Variants in PRMT2 observed in about 807,000 individuals in gnomAD.
PRMT2 encodes protein arginine N-methyltransferase 2.
Under a neutral mutation model 57.6 loss-of-function variants are expected in PRMT2, and 26 were observed. The ratio of observed to expected loss-of-function variants is 0.45; its 90% confidence interval spans 0.33 to 0.63. PRMT2 has a LOEUF of 0.63. PRMT2 is among the 20% of genes least tolerant of loss of function. The pLI is 0.02. For synonymous variants in PRMT2, 219 were observed against 220.0 expected (o/e 1.00, Z 0.04); for missense variants, 472 against 564.4 (o/e 0.84, Z 1.66).
Position 46,653,373 on chromosome 21 carries a change from G to A in PRMT2, c.654+3634G>A, listed in dbSNP as rs901710777. ...ACTTCAGACTTCGGATGTATTTAAGGCTGTTTGCACATATTTATAGAATGT... is the reference window on the plus strand; with the variant it reads ...ACTTCAGACTTCGGATGTATTTAAGACTGTTTGCACATATTTATAGAATGT... On this transcript the variant is annotated intron_variant, in intron 7 of 11. Transcript: ENST00000355680. The A allele has an allele frequency of 1.0e-5, 10 of 985,292 alleles. No individual in the cohort carries two copies. The African/African-American group carries it at 1.6e-4, about 15-fold the overall frequency. 61.0% of individuals were successfully genotyped at this position (985,292 alleles called of 1,614,324 possible).
Position 46,648,273 on chromosome 21 carries a change from G to T in PRMT2, c.328-185G>T. The T allele has an allele frequency of 1.7e-6, 1 of 572,844 alleles. No individual in the cohort carries two copies. Among genetic ancestry groups the T allele is most frequent in the East Asian group, 2.8e-5 (1 of 35,646 alleles). 35.5% of individuals were successfully genotyped at this position (572,844 alleles called of 1,614,324 possible). A position where few individuals can be genotyped will look rare whatever the true frequency, so the allele number is the denominator to read the frequency against. ...TATTATTACTGTTATAAGGGGGTGG[G>T]TGAAGTGTTCTCTAAATACCAATGA... is the stretch of plus-strand genomic sequence containing the variant. On this transcript the variant is annotated intron_variant, in intron 5 of 11. Transcript: ENST00000355680. The surrounding 1 kb of genome is among the most constrained non-coding windows in gnomAD (Gnocchi z 4.8).
chr21:46,645,189 C>A (rs2061341333), intron 5 of PRMT2, among the ~76,000 whole-genome samples: 1 of 84 alleles, frequency 0.012, no homozygotes, highest in Non-Finnish European at 0.033. Flanking sequence ...ATTGCTCAAG[C>A]CTTGGAGGCC....
chr21:46,663,633 C>A, intron 11 of PRMT2, 79 bp downstream of exon 11: 1 of 1,452,294 alleles, frequency 6.9e-7, no homozygotes, highest in Non-Finnish European at 9.5e-7. Flanking sequence ...GTAGTGATGG[C>A]AGATGCTGGC....
intron 7 of PRMT2, among the ~76,000 whole-genome samples, chr21:46,656,587 G>T (rs1159696598): frequency 6.6e-6 from 1 of 152,080 alleles, no homozygotes; most frequent in African/African-American, 2.4e-5. Context: ...ATGGAGAAAA[G>T]ACAGTCTTTT....
intron 11 of PRMT2, 87 bp from the exon 12 acceptor site, chr21:46,664,208 T>C (rs1034402402): frequency 1.7e-6 from 2 of 1,195,282 alleles, no homozygotes; most frequent in Admixed American, 3.4e-5. Context: ...TACTGTTCTC[T>C]TGTCCAATAT....
chr21:46,658,705 C>A, intron 7 of PRMT2, 40 bp from the exon 8 acceptor site: 1 of 1,604,986 alleles, frequency 6.2e-7, no homozygotes, highest in Non-Finnish European at 8.5e-7. Flanking sequence ...AGCCGCGGGG[C>A]CTGTGATGTG....
rs372344297 is a variant in PRMT2 at position 46,637,102 on chromosome 21, G to A, written c.39+112G>A. 32 of 1,061,748 alleles carry A rather than the reference G, an allele frequency of 3.0e-5. No individual in the cohort carries two copies. In the Middle Eastern group the frequency reaches 6.0e-4, roughly 20 times the overall value. The allele number at this position is 1,061,748 out of a possible 1,614,324, so 65.8% of individuals were successfully genotyped here. On this transcript the variant is annotated intron_variant, in intron 3 of 11. Transcript: ENST00000355680. ...AGCTTGGCTTGTGCCTTGGAAGGTG[G>A]CCACCGGCAGTAGAATGCTTAAATG...
chr21:46,651,578 C>G (rs1011346478), intron 7 of PRMT2, among the ~76,000 whole-genome samples: 2 of 151,926 alleles, frequency 1.3e-5, no homozygotes, highest in Non-Finnish European at 2.9e-5. Flanking sequence ...CGGAGCTTTG[C>G]AGGTGAGGGC....
intron 9 of PRMT2, 101 bp from the exon 10 acceptor site, chr21:46,661,699 G>C: frequency 8.6e-7 from 1 of 1,166,086 alleles, no homozygotes; most frequent in Non-Finnish European, 1.1e-6. Context: ...GGTTCCTGAC[G>C]CATTCAGCGT....
chr21:46,664,956 G>T lies in PRMT2; in HGVS notation c.*629G>T, dbSNP rs2061682080. The T allele has an allele frequency of 6.5e-6, 1 of 152,922 alleles. No individual in the cohort carries two copies. The highest frequency in any genetic ancestry group is 1.5e-5 in the Non-Finnish European group (1 of 68,566). The allele number at this position is 152,922 out of a possible 1,614,324, so 9.5% of individuals were successfully genotyped here. ...TTTTTAAATGAGTGAATGTCATTGT[G>T]TATCCTGTTTTATGCATATATGTTA... is the stretch of plus-strand genomic sequence containing the variant. On this transcript the variant is annotated 3_prime_UTR_variant, in exon 12 of 12. Transcript: ENST00000355680.
rs966717715 is a variant in PRMT2, at chr21:46,664,775, A to G, written c.*448A>G. The G allele has an allele frequency of 4.7e-5, 10 of 212,614 alleles. No homozygotes were observed. The highest frequency in any genetic ancestry group is 1.0e-4 in the Admixed American group (2 of 19,512). 13.2% of individuals were successfully genotyped at this position (212,614 alleles called of 1,614,324 possible). A position where few individuals can be genotyped will look rare whatever the true frequency, so the allele number is the denominator to read the frequency against. ...ACTCGTGTGGGACGTAGGATTGCAC[A>G]GGGCTGTGCCAGTGGCGTGTAGGGA... On this transcript the variant is annotated 3_prime_UTR_variant, in exon 12 of 12. Transcript: ENST00000355680.
intron 3 of PRMT2, among the ~76,000 whole-genome samples, chr21:46,640,438 A>ATTT (rs61531632): frequency 1.0e-4 from 12 of 116,460 alleles, no homozygotes; most frequent in East Asian, 2.3e-4. Context: ...TTTTGCCTAC[A>ATTT]TTTTTTTTTT....
Position 46,636,992 on chromosome 21 carries a change from T to G in PRMT2, c.39+2T>G. 1 of 1,613,750 alleles carries G rather than the reference T, an allele frequency of 6.2e-7. No homozygotes were observed. Among genetic ancestry groups the G allele is most frequent in the South Asian group, 1.1e-5 (1 of 91,024 alleles). On this transcript the variant is annotated splice_donor_variant, in intron 3 of 11. Transcript: ENST00000355680. LOFTEE classifies it high-confidence loss of function. ...GACTGTCCCAGAAGTGAATCGCAGGTAATTTCCGTTCCACTTCCTAAAAAT... is the reference window on the plus strand; with the variant it reads ...GACTGTCCCAGAAGTGAATCGCAGGGAATTTCCGTTCCACTTCCTAAAAAT...
intron 7 of PRMT2, chr21:46,653,359 C>T (rs148407791): frequency 5.5e-4 from 543 of 985,384 alleles, no homozygotes; most frequent in African/African-American, 4.2e-3. Context: ...CTTCAGACTT[C>T]GGATGTATTT....
At position 46,649,747 on chromosome 21, in the gene PRMT2, C is replaced by T. The variant is rs377289558; in HGVS notation, c.654+8C>T. On this transcript the variant is annotated splice_region_variant and intron_variant, in intron 7 of 11. Coordinates refer to ENST00000355680, the MANE Select transcript of PRMT2 (RefSeq NM_206962.4). The surrounding 1 kb of genome is among the most constrained non-coding windows in gnomAD (Gnocchi z 4.8). ...ATGGGGACCTGCCTGCTGGTGAGGGCGGGCGTGCGGGCAGCTGGGGGCCGG... is the reference window on the plus strand; with the variant it reads ...ATGGGGACCTGCCTGCTGGTGAGGGTGGGCGTGCGGGCAGCTGGGGGCCGG... 1.5e-5 allele frequency: 24 copies of T among 1,610,248 alleles called. No individual in the cohort carries two copies. The highest frequency in any genetic ancestry group is 8.0e-5 in the African/African-American group (6 of 74,802).
At chr21:46,640,947 ATGTT>A (rs1449711650) in intron 3 of PRMT2, among the ~76,000 whole-genome samples, 1 of 151,816 alleles carries the variant, frequency 6.6e-6, no homozygotes, top group African/African-American at 2.4e-5. Context: ...GGAAAACAAT[ATGTT>A]TGTAAAACAA....
In PRMT2 at chr21:46,664,688, CCT is replaced by C. The variant is rs1285169044; in HGVS notation, c.*362_*363del. ...GACGCACGCATATCAGCCCGTGTAC[CCT>C]GTGACAGTGACTGTCCCCACCTCCT... On this transcript the variant is annotated 3_prime_UTR_variant, in exon 12 of 12. Transcript: ENST00000355680. 2 of 290,578 alleles carry C rather than the reference CCT, an allele frequency of 6.9e-6. No homozygotes were observed. Among genetic ancestry groups the C allele is most frequent in the African/African-American group, 4.2e-5 (2 of 47,480 alleles). 18.0% of individuals were successfully genotyped at this position (290,578 alleles called of 1,614,324 possible).
chr21:46,647,460 T>C (rs549366153), intron 5 of PRMT2, among the ~76,000 whole-genome samples: 52 of 152,318 alleles, frequency 3.4e-4, no homozygotes, highest in Admixed American at 1.5e-3. Context: ...CCCACACTTT[T>C]GTTTTCAGAA....
Position 46,640,851 on chromosome 21 carries a change from C to T in PRMT2, c.40-2684C>T, listed in dbSNP as rs192254751. Among the ~76,000 whole-genome samples, 3 of 150,954 alleles carry T rather than the reference C, an allele frequency of 2.0e-5. No homozygotes were observed. The South Asian group carries it at 6.3e-4, about 31-fold the overall frequency. ...TGTTTGACATGTCTCATGCTCTATT[C>T]TTATTTTTTTTTTCATTTTGTGCTT... is the stretch of plus-strand genomic sequence containing the variant. On this transcript the variant is annotated intron_variant, in intron 3 of 11. Coordinates refer to ENST00000355680, the MANE Select transcript of PRMT2 (RefSeq NM_206962.4).
Sources: gnomAD v4.1 joint callset for allele counts (sites outside exome capture counted in the v4.1 genomes callset) on GRCh38, gnomAD v4.1.1 for gene constraint, Gnocchi (gnomAD v3.1) non-coding constraint, MANE v1.5 for transcripts, NCBI Gene and HGNC (gene_info 2026-07-23, HGNC 2026-07-21) for gene names.